The following EIF3A variants were observed in gnomAD, a reference collection of about 807,000 sequenced individuals.
EIF3A encodes eukaryotic translation initiation factor 3 subunit A.
A neutral mutation model predicts 186.6 loss-of-function variants in EIF3A; 21 were observed. That is an observed-to-expected ratio of 0.11 (90% confidence interval 0.08 to 0.16). The LOEUF (loss-of-function observed/expected upper bound fraction) is 0.16. Ranked by LOEUF, EIF3A falls within the 10% of genes least tolerant of loss-of-function variation. EIF3A has a pLI of 1.00. For synonymous variants in EIF3A, 563 were observed against 584.3 expected (o/e 0.96, Z 0.52); for missense variants, 1,306 against 1,796.3 (o/e 0.73, Z 4.93).
chr10:119,077,285 T>C (rs1015700101), intron 1 of EIF3A, among the ~76,000 whole-genome samples: 2 of 151,706 alleles, frequency 1.3e-5, no homozygotes, highest in Admixed American at 1.3e-4. Context: ...GGAAATATGG[T>C]GAAAAAAATT....
chr10:119,052,581 G>A (rs1848374403), intron 14 of EIF3A, among the ~76,000 whole-genome samples: 1 of 151,892 alleles, frequency 6.6e-6, no homozygotes. Flanking sequence ...TCACCATGTT[G>A]CCCAGGCTGG....
intron 7 of EIF3A, 110 bp downstream of exon 7, chr10:119,065,289 T>A: frequency 6.0e-6 from 5 of 827,988 alleles, no homozygotes; most frequent in Non-Finnish European, 9.8e-6. Context: ...TGTCCATACA[T>A]CAGAACCCTT....
At chr10:119,068,257 T>C (rs1017828644) in intron 6 of EIF3A, among the ~76,000 whole-genome samples, 2 of 152,234 alleles carry the variant, frequency 1.3e-5, no homozygotes, top group Non-Finnish European at 1.5e-5. Flanking sequence ...AGGGAAAAAA[T>C]TGGTCTATAG....
intron 17 of EIF3A, among the ~76,000 whole-genome samples, chr10:119,049,121 C>T (rs1848320899): frequency 6.6e-6 from 1 of 152,122 alleles, no homozygotes; most frequent in African/African-American, 2.4e-5. Context: ...TTCTTCCCCC[C>T]TTAGGTGCCT....
At chr10:119,046,244 T>C (rs866099944) in intron 17 of EIF3A, among the ~76,000 whole-genome samples, 21 of 152,168 alleles carry the variant, frequency 1.4e-4, no homozygotes, top group Admixed American at 2.6e-4. Context: ...AATCCTCCCC[T>C]CTGTAACACT....
chr10:119,067,768 A>G (rs766942061), intron 6 of EIF3A, among the ~76,000 whole-genome samples: 21 of 152,204 alleles, frequency 1.4e-4, no homozygotes, highest in Non-Finnish European at 3.1e-4. Flanking sequence ...TAATTGGTGG[A>G]CCAATACAAG....
At chr10:119,037,607 T>C (rs1848150678) in intron 20 of EIF3A, among the ~76,000 whole-genome samples, 1 of 152,224 alleles carries the variant, frequency 6.6e-6, no homozygotes, top group Non-Finnish European at 1.5e-5. Context: ...ATGTGACTGC[T>C]GACTACCATA....
At chr10:119,037,608 G>A (rs1414265509) in intron 20 of EIF3A, among the ~76,000 whole-genome samples, 1 of 152,126 alleles carries the variant, frequency 6.6e-6, no homozygotes, top group Non-Finnish European at 1.5e-5. Flanking sequence ...TGTGACTGCT[G>A]ACTACCATAC....
At chr10:119,076,590 A>C (rs138334918) in intron 1 of EIF3A, among the ~76,000 whole-genome samples, 1 of 152,108 alleles carries the variant, frequency 6.6e-6, no homozygotes, top group African/African-American at 2.4e-5. Flanking sequence ...GGAGGGAAAA[A>C]ACTTGCAGTC....
intron 17 of EIF3A, among the ~76,000 whole-genome samples, chr10:119,045,770 C>T (rs1848274523): frequency 6.6e-6 from 1 of 152,116 alleles, no homozygotes; most frequent in Non-Finnish European, 1.5e-5. Flanking sequence ...CACTATGTTG[C>T]CAGACTGGTC....
At position 119,073,070 on chromosome 10, in the gene EIF3A, G is replaced by A. The variant is rs755281803; in HGVS notation, c.378-17C>T. 6.3e-7 allele frequency: 1 copy of A among 1,586,708 alleles called. No individual in the cohort carries two copies. The highest frequency in any genetic ancestry group is 2.2e-5 in the East Asian group (1 of 44,664). On this transcript the variant is annotated splice_polypyrimidine_tract_variant and intron_variant, in intron 3 of 21. Transcript: ENST00000369144. ...AGGAGAACACTACAAAGAAAAAAAT[G>A]TTGAAAACAATTTTAGACAGTTTCC...
intron 1 of EIF3A, among the ~76,000 whole-genome samples, chr10:119,076,202 G>A: frequency 6.6e-6 from 1 of 151,254 alleles, no homozygotes; most frequent in African/African-American, 2.4e-5. Context: ...CCATGGTGAT[G>A]CACGCCCGTA....
chr10:119,042,892 C>A lies in EIF3A; in HGVS notation c.2748-120G>T. ...GTATGGGCCGGAGCAGTGGCTCGCA[C>A]CTTTAATCCCAGCACTCTGGGAAGC... On this transcript the variant is annotated intron_variant, in intron 18 of 21. Transcript: ENST00000369144. This position sits in a 1 kb window ranked among gnomAD's most constrained non-coding sequence, Gnocchi z 7.8. 4.8e-6 allele frequency: 5 copies of A among 1,033,840 alleles called. No individual in the cohort carries two copies. The highest frequency in any genetic ancestry group is 6.8e-6 in the Non-Finnish European group (5 of 735,274). 64.0% of individuals were successfully genotyped at this position (1,033,840 alleles called of 1,614,324 possible).
chr10:119,037,003 TCAA>T (rs1471706226), intron 21 of EIF3A, 113 bp downstream of exon 21: 1 of 736,968 alleles, frequency 1.4e-6, no homozygotes, highest in Admixed American at 2.3e-5. Context: ...AAATAGAATA[TCAA>T]CTCTCTTATT....
chr10:119,071,054 C>T lies in EIF3A; in HGVS notation c.573G>A (p.Lys191=). ...TGTCACACAGTTTACGGAATTCAGC[C>T]TTACGCGTGTATTGGAGGCAGAATT... ...AFKFCLQYTR[K]AEFRKLCDNL... is the part of the protein sequence containing the mutation. Residue 191 remains lysine, a synonymous_variant, in exon 5 of 22, where the codon AAG becomes AAA. Coordinates refer to ENST00000369144, the MANE Select transcript of EIF3A (RefSeq NM_003750.4). The T allele has an allele frequency of 1.2e-6, 2 of 1,614,122 alleles. No individual in the cohort carries two copies. Among genetic ancestry groups the T allele is most frequent in the Non-Finnish European group, 1.7e-6 (2 of 1,179,986 alleles).
At chr10:119,059,821 A>T in intron 9 of EIF3A, 103 bp from the exon 10 acceptor site, 1 of 787,532 alleles carries the variant, frequency 1.3e-6, no homozygotes, top group Non-Finnish European at 2.2e-6. Flanking sequence ...ATGCCAGAGA[A>T]TTTATGTTAG....
At chr10:119,070,838 AAC>A (rs1206042922) in intron 5 of EIF3A, 46 bp downstream of exon 5, 1 of 1,346,286 alleles carries the variant, frequency 7.4e-7, no homozygotes, top group Non-Finnish European at 1.1e-6. Flanking sequence ...GGAGAAAAGT[AAC>A]ACAGACTATT....
Position 119,051,148 on chromosome 10 carries a change from C to T in EIF3A, c.2319+51G>A, listed in dbSNP as rs376449603. ...ATTTGTTAAGGGAGAACCCTTAGGC[C>T]AATACTAGAAAGCTCATGAATAAAC... is the stretch of plus-strand genomic sequence containing the variant. On this transcript the variant is annotated intron_variant, in intron 15 of 21. Coordinates refer to ENST00000369144, the MANE Select transcript of EIF3A (RefSeq NM_003750.4). 28 of 1,534,612 alleles carry T rather than the reference C, an allele frequency of 1.8e-5. No individual in the cohort carries two copies. In the African/African-American group the frequency reaches 3.9e-4, roughly 21 times the overall value.
chr10:119,035,369 CTTTAAAA>C lies in EIF3A; in HGVS notation c.*663_*669del, dbSNP rs1269344718. On this transcript the variant is annotated 3_prime_UTR_variant, in exon 22 of 22. Transcript: ENST00000369144. Reference sequence around the variant, plus strand: ...AAACTCAGCGATAATTTACCAAATGCTTTAAAATTTAAAAGCTATACTGTTTGGATTC... The same window carrying C: ...AAACTCAGCGATAATTTACCAAATGCTTTAAAAGCTATACTGTTTGGATTC... 6.6e-6 allele frequency: 1 copy of C among 152,296 alleles called. No homozygotes were observed. The highest frequency in any genetic ancestry group is 1.5e-5 in the Non-Finnish European group (1 of 67,968). 9.4% of individuals were successfully genotyped at this position (152,296 alleles called of 1,614,324 possible). A position where few individuals can be genotyped will look rare whatever the true frequency, so the allele number is the denominator to read the frequency against.
Sources: allele counts gnomAD v4.1 joint callset (sites outside exome capture counted in the v4.1 genomes callset), GRCh38; gene constraint gnomAD v4.1.1; non-coding constraint Gnocchi (gnomAD v3.1); transcripts MANE v1.5; gene names NCBI Gene and HGNC (gene_info 2026-07-23, HGNC 2026-07-21).